Variants in SNRPD1 observed in about 807,000 individuals in gnomAD.
SNRPD1 encodes the protein small nuclear ribonucleoprotein D1 polypeptide.
A neutral mutation model predicts 14.4 loss-of-function variants in SNRPD1; 1 was observed. The ratio of observed to expected loss-of-function variants is 0.07; its 90% CI spans 0.02 to 0.33. The LOEUF (loss-of-function observed/expected upper bound fraction) is 0.33. Ranked by LOEUF, SNRPD1 falls within the 10% of genes least tolerant of loss-of-function variation. The probability of loss-of-function intolerance (pLI) is 1.00; values close to 1 mark genes in which losing one functional copy is unlikely to be tolerated. For missense variants in SNRPD1, 52 were observed against 146.4 expected, an observed-to-expected ratio of 0.36 and a Z score of 3.33; for synonymous variants, 42 against 50.3, an observed-to-expected ratio of 0.83 and a Z score of 0.70.
At chr18:21,616,116 G>C (rs1198318518) in intron 1 of SNRPD1, among the ~76,000 whole-genome samples, 1 of 152,126 alleles carries the variant, frequency 6.6e-6, no homozygotes, top group African/African-American at 2.4e-5. Flanking sequence ...CTCCCGAGTA[G>C]CTGGGACTAC....
chr18:21,627,360 C>T (rs2039047865), intron 3 of SNRPD1, among the ~76,000 whole-genome samples: 1 of 151,632 alleles, frequency 6.6e-6, no homozygotes. Context: ...AACAATCCTC[C>T]TGCTGTGGCC....
chr18:21,622,172 C>T (rs1446747283), intron 1 of SNRPD1, among the ~76,000 whole-genome samples: 1 of 151,576 alleles, frequency 6.6e-6, no homozygotes, highest in Non-Finnish European at 1.5e-5. Context: ...CGGAGTCTCG[C>T]TCTGTTGCCC....
At chr18:21,624,881 T>G (rs536448930) in intron 3 of SNRPD1, among the ~76,000 whole-genome samples, 1 of 152,242 alleles carries the variant, frequency 6.6e-6, no homozygotes, top group South Asian at 2.1e-4. Flanking sequence ...CACATCCTTT[T>G]GTACCCTTTA....
intron 1 of SNRPD1, among the ~76,000 whole-genome samples, chr18:21,616,152 A>G (rs1568123115): frequency 6.8e-6 from 1 of 146,940 alleles, no homozygotes; most frequent in Non-Finnish European, 1.5e-5. Flanking sequence ...CGCCCGGCTA[A>G]TTTTTTGTAT....
In SNRPD1 at chr18:21,630,380, G is replaced by C. The variant is rs1375495637; in HGVS notation, c.*1242G>C. The C allele has an allele frequency of 1.3e-5, 2 of 151,664 alleles. No individual in the cohort carries two copies. The highest frequency in any genetic ancestry group is 2.9e-5 in the Non-Finnish European group (2 of 67,934). The allele number at this position is 151,664 out of a possible 1,614,324, so 9.4% of individuals were successfully genotyped here. A position where few individuals can be genotyped will look rare whatever the true frequency, so the allele number is the denominator to read the frequency against. On this transcript the variant is annotated 3_prime_UTR_variant, in exon 4 of 4. Coordinates refer to ENST00000300413, the MANE Select transcript of SNRPD1 (RefSeq NM_006938.4). ...TTATATGCTAAGGAAAACAACTGAG[G>C]ATGTGGGTGGCTTAAATCTGTATTT...
intron 1 of SNRPD1, among the ~76,000 whole-genome samples, chr18:21,615,668 G>A (rs944684299): frequency 3.3e-5 from 5 of 152,172 alleles, no homozygotes; most frequent in Admixed American, 2.6e-4. Flanking sequence ...AAAATTACAA[G>A]AAAATAAAAT....
chr18:21,624,350 G>T (rs1401445852), intron 3 of SNRPD1, among the ~76,000 whole-genome samples: 2 of 150,900 alleles, frequency 1.3e-5, no homozygotes, highest in Non-Finnish European at 2.9e-5. Context: ...CTGCACTCCA[G>T]CCTGGGTGAC....
intron 1 of SNRPD1, among the ~76,000 whole-genome samples, chr18:21,622,104 A>T (rs1471444390): frequency 1.3e-5 from 2 of 152,144 alleles, no homozygotes; most frequent in African/African-American, 4.8e-5. Context: ...AGGCATTATA[A>T]TAAGCTTGTA....
At chr18:21,629,021 C>T in intron 3 of SNRPD1, 41 bp from the exon 4 acceptor site, 1 of 1,482,388 alleles carries the variant, frequency 6.7e-7, no homozygotes, top group Non-Finnish European at 9.4e-7. Context: ...AACATTGGTG[C>T]AGGAGAGAAT....
intron 1 of SNRPD1, among the ~76,000 whole-genome samples, chr18:21,620,880 C>G (rs1473082762): frequency 6.6e-6 from 1 of 151,928 alleles, no homozygotes; most frequent in Non-Finnish European, 1.5e-5. Context: ...AAAAGATATT[C>G]AGGCAGGGCG....
chr18:21,629,294 C>A lies in SNRPD1; in HGVS notation c.*156C>A. 1.7e-6 allele frequency: 1 copy of A among 602,992 alleles called. No individual in the cohort carries two copies. Among genetic ancestry groups the A allele is most frequent in the South Asian group, 2.3e-5 (1 of 43,848 alleles). 37.4% of individuals were successfully genotyped at this position (602,992 alleles called of 1,614,324 possible). A position where few individuals can be genotyped will look rare whatever the true frequency, so the allele number is the denominator to read the frequency against. On this transcript the variant is annotated 3_prime_UTR_variant, in exon 4 of 4. Coordinates refer to ENST00000300413, the MANE Select transcript of SNRPD1 (RefSeq NM_006938.4). ...GTTTCCTCCACATTCACGAAATTAC[C>A]ACAGTGAGAGCTAAGCATTTCTACT...
chr18:21,615,684 G>A lies in SNRPD1; in HGVS notation c.14+3241G>A, dbSNP rs545799949. Among the ~76,000 whole-genome samples the A allele has an allele frequency of 2.0e-5, 3 of 152,172 alleles. No homozygotes were observed. The South Asian group carries it at 6.2e-4, about 32-fold the overall frequency. On this transcript the variant is annotated intron_variant, in intron 1 of 3. Transcript: ENST00000300413. ...AAATTACAAGAAAATAAAATAAAAA[G>A]TTATGTATTTTGTTTACAACTACGT...
chr18:21,624,102 C>T (rs898830389), intron 3 of SNRPD1, among the ~76,000 whole-genome samples, 163 bp downstream of exon 3: 4 of 152,192 alleles, frequency 2.6e-5, no homozygotes, highest in Non-Finnish European at 4.4e-5. Flanking sequence ...ATTGAGCAAC[C>T]GGACGCAGTG....
At chr18:21,622,635 A>G (rs1465899368) in intron 1 of SNRPD1, 90 bp from the exon 2 acceptor site, 14 of 672,896 alleles carry the variant, frequency 2.1e-5, no homozygotes, top group African/African-American at 3.6e-5. Flanking sequence ...CATCTAGCAA[A>G]TTTTCAACAT....
chr18:21,621,532 C>T (rs1330277852), intron 1 of SNRPD1, among the ~76,000 whole-genome samples: 1 of 152,062 alleles, frequency 6.6e-6, no homozygotes, highest in African/African-American at 2.4e-5. Context: ...TTCCAAGTAG[C>T]TGGGATTACA....
chr18:21,627,809 CTACTGTAT>C (rs888821313), intron 3 of SNRPD1, among the ~76,000 whole-genome samples: 6 of 152,146 alleles, frequency 3.9e-5, no homozygotes, highest in African/African-American at 1.4e-4. Context: ...TGATGTGTCA[CTACTGTAT>C]TATCTAGAGA....
At chr18:21,625,746 G>T (rs2039033441) in intron 3 of SNRPD1, among the ~76,000 whole-genome samples, 1 of 152,144 alleles carries the variant, frequency 6.6e-6, no homozygotes, top group Admixed American at 6.6e-5. Flanking sequence ...CAGTAGCTGG[G>T]ACCACAGGCG....
rs191013495 is a variant in SNRPD1, at chr18:21,624,862, G to A, written c.283+923G>A. On this transcript the variant is annotated intron_variant, in intron 3 of 3. Coordinates refer to ENST00000300413, the MANE Select transcript of SNRPD1 (RefSeq NM_006938.4). ...TCCCTTTTCATAAAATGGTAGTAGT[G>A]TTTCAGTGCACATCCTTTTGTACCC... Among the ~76,000 whole-genome samples the A allele has an allele frequency of 1.6e-3, 244 of 152,064 alleles. 2 individuals carry two copies. The highest frequency in any genetic ancestry group is 0.013 in the South Asian group (62 of 4,818).
In SNRPD1 at chr18:21,630,065, G is replaced by T. The variant is rs1024716241; in HGVS notation, c.*927G>T. 1 of 152,024 alleles carries T rather than the reference G, an allele frequency of 6.6e-6. No individual in the cohort carries two copies. The highest frequency in any genetic ancestry group is 2.4e-5 in the African/African-American group (1 of 41,378). The allele number at this position is 152,024 out of a possible 1,614,324, so 9.4% of individuals were successfully genotyped here. ...TTTTGTTTCTTTTGCTTTTTAATCA[G>T]TTCTTAATAGGATATAGTTTTATGT... On this transcript the variant is annotated 3_prime_UTR_variant, in exon 4 of 4. Transcript: ENST00000300413.
Sources: gnomAD v4.1 joint callset for allele counts (sites outside exome capture counted in the v4.1 genomes callset) on GRCh38, gnomAD v4.1.1 for gene constraint, MANE v1.5 for transcripts, NCBI Gene and HGNC (gene_info 2026-07-23, HGNC 2026-07-21) for gene names.